The following PTGER4 variants were observed in gnomAD, a reference collection of about 807,000 sequenced individuals.
The protein encoded by PTGER4 is prostaglandin E2 receptor EP4 subtype.
PTGER4 carries 11 observed loss-of-function variants against 33.2 expected under a neutral mutation model. That is an observed-to-expected ratio of 0.33 (90% confidence interval 0.21 to 0.55). The LOEUF (loss-of-function observed/expected upper bound fraction) is 0.55. Among genes scored for constraint, PTGER4 ranks in the 20% least tolerant of loss-of-function variants. The probability of loss-of-function intolerance (pLI) is 0.92; values close to 1 mark genes in which losing one functional copy is unlikely to be tolerated. For missense variants in PTGER4, 481 were observed against 650.2 expected (o/e 0.74, Z 2.83); for synonymous variants, 275 against 281.5 (o/e 0.98, Z 0.23).
At chr5:40,737,523 G>T in the PTGER4 span, among the ~76,000 whole-genome samples, 1 of 151,994 alleles carries the variant, frequency 6.6e-6, no homozygotes, top group Non-Finnish European at 1.5e-5. Context: ...TATATGAAAC[G>T]AATATAGAAT....
At chr5:40,717,097 C>T in the PTGER4 span, among the ~76,000 whole-genome samples, 16 of 151,860 alleles carry the variant, frequency 1.1e-4, no homozygotes, top group Admixed American at 7.9e-4. Flanking sequence ...GGCATGATGG[C>T]GGGTGCCTGT....
chr5:40,746,242 G>GA, the PTGER4 span, among the ~76,000 whole-genome samples: 1 of 151,872 alleles, frequency 6.6e-6, no homozygotes, highest in Non-Finnish European at 1.5e-5. Flanking sequence ...AAGGAAAAAA[G>GA]AAAAAAGAAA....
chr5:40,733,819 C>T, the PTGER4 span, among the ~76,000 whole-genome samples: 9 of 152,260 alleles, frequency 5.9e-5, no homozygotes, highest in East Asian at 1.7e-3. Flanking sequence ...ACGAAATAAA[C>T]TAAGAGGTTC....
chr5:40,685,970 G>A (rs1741313322), intron 2 of PTGER4, among the ~76,000 whole-genome samples: 1 of 152,184 alleles, frequency 6.6e-6, no homozygotes, highest in African/African-American at 2.4e-5. Context: ...AACTTTCAGT[G>A]TAGAGGTTGA....
chr5:40,688,714 G>A (rs1001595400), intron 2 of PTGER4, among the ~76,000 whole-genome samples: 2 of 152,178 alleles, frequency 1.3e-5, no homozygotes, highest in African/African-American at 4.8e-5. Context: ...AGACCTCAAA[G>A]CTTATGGAAG....
At chr5:40,705,290 G>A in the PTGER4 span, among the ~76,000 whole-genome samples, 3 of 152,146 alleles carry the variant, frequency 2.0e-5, no homozygotes, top group Non-Finnish European at 4.4e-5. Context: ...GATTGAAGCT[G>A]GACCCCGTCC....
At position 40,692,539 on chromosome 5, in the gene PTGER4, T is replaced by C; in HGVS notation, c.*161T>C. 1 of 1,428,788 alleles carries C rather than the reference T, an allele frequency of 7.0e-7. No individual in the cohort carries two copies. The highest frequency in any genetic ancestry group is 2.6e-4 in the Middle Eastern group (1 of 3,846). 88.5% of individuals were successfully genotyped at this position (1,428,788 alleles called of 1,614,324 possible). A position where few individuals can be genotyped will look rare whatever the true frequency, so the allele number is the denominator to read the frequency against. On this transcript the variant is annotated 3_prime_UTR_variant, in exon 3 of 3. Transcript: ENST00000302472. ...TTTGAGCACTTTTCAAACAATCAAG[T>C]TGACTCACGTGGGTCCTGAGGCCTG...
At chr5:40,697,105 G>A (rs1012734259), downstream of PTGER4, among the ~76,000 whole-genome samples, 4 of 66,202 alleles carry the variant, frequency 6.0e-5, no homozygotes, top group East Asian at 2.6e-3. Flanking sequence ...AGAAAAGAAA[G>A]AAAGGAAAGA....
At chr5:40,730,968 G>A in the PTGER4 span, among the ~76,000 whole-genome samples, 1 of 152,058 alleles carries the variant, frequency 6.6e-6, no homozygotes, top group Non-Finnish European at 1.5e-5. Context: ...CATCTACTAA[G>A]CTTTAATGAT....
At position 40,692,709 on chromosome 5, in the gene PTGER4, G is replaced by A. The variant is rs1741506048; in HGVS notation, c.*331G>A. ...TAACATCCAGAGCTTTGTCGTATTT[G>A]GCACACAGCAGAGGCCCAGATATTA... On this transcript the variant is annotated 3_prime_UTR_variant, in exon 3 of 3. Coordinates refer to ENST00000302472, the MANE Select transcript of PTGER4 (RefSeq NM_000958.3). The A allele has an allele frequency of 1.9e-6, 2 of 1,053,124 alleles. No individual in the cohort carries two copies. Among genetic ancestry groups the A allele is most frequent in the Non-Finnish European group, 2.3e-6 (2 of 872,366 alleles). The allele number at this position is 1,053,124 out of a possible 1,614,324, so 65.2% of individuals were successfully genotyped here. A position where few individuals can be genotyped will look rare whatever the true frequency, so the allele number is the denominator to read the frequency against.
At chr5:40,697,008 G>A (rs1434584182), downstream of PTGER4, among the ~76,000 whole-genome samples, 1 of 141,036 alleles carries the variant, frequency 7.1e-6, no homozygotes, top group African/African-American at 2.6e-5. Context: ...GGGAAAGAAA[G>A]AGAGAAAGAA....
At chr5:40,705,015 A>AG in the PTGER4 span, among the ~76,000 whole-genome samples, 1 of 152,208 alleles carries the variant, frequency 6.6e-6, no homozygotes, top group Admixed American at 6.5e-5. Flanking sequence ...CCAAATAGCC[A>AG]AGGCAATCCT....
chr5:40,718,101 A>G, the PTGER4 span, among the ~76,000 whole-genome samples: 1 of 151,596 alleles, frequency 6.6e-6, no homozygotes, highest in Non-Finnish European at 1.5e-5. Flanking sequence ...CAGATTTACA[A>G]TCTAATAGGC....
downstream of PTGER4, chr5:40,696,526 C>A: frequency 3.8e-6 from 1 of 263,104 alleles, no homozygotes; most frequent in Non-Finnish European, 5.9e-6. Flanking sequence ...TGGGCTACAG[C>A]TGGTGCTTTA....
chr5:40,734,009 G>A, the PTGER4 span, among the ~76,000 whole-genome samples: 4 of 152,158 alleles, frequency 2.6e-5, no homozygotes, highest in African/African-American at 9.7e-5. Context: ...CATAACCATT[G>A]CTGCCAGCAG....
chr5:40,697,083 A>T, downstream of PTGER4, among the ~76,000 whole-genome samples: 1 of 76,358 alleles, frequency 1.3e-5, no homozygotes. Context: ...GGAAGGAAGG[A>T]AGGAAAGAAA....
the PTGER4 span, among the ~76,000 whole-genome samples, chr5:40,720,899 C>A: frequency 6.6e-6 from 1 of 152,240 alleles, no homozygotes; most frequent in South Asian, 2.1e-4. Flanking sequence ...CCAACTTCTA[C>A]GGTGGCTACA....
At chr5:40,702,758 T>C in the PTGER4 span, among the ~76,000 whole-genome samples, 1 of 152,218 alleles carries the variant, frequency 6.6e-6, no homozygotes, top group Non-Finnish European at 1.5e-5. Flanking sequence ...GACCACATAA[T>C]TGGACATAAA....
At chr5:40,686,923 CTGTAATA>C (rs1232759857) in intron 2 of PTGER4, among the ~76,000 whole-genome samples, 4 of 152,160 alleles carry the variant, frequency 2.6e-5, no homozygotes, top group Admixed American at 2.6e-4. Context: ...ATTTAGAATA[CTGTAATA>C]TGCCAATATT....
Sources: gnomAD v4.1 joint callset for allele counts (sites outside exome capture counted in the v4.1 genomes callset) on GRCh38, gnomAD v4.1.1 for gene constraint, MANE v1.5 for transcripts, NCBI Gene and HGNC (gene_info 2026-07-23, HGNC 2026-07-21) for gene names.